ARHGAP19: variants seen among roughly 807,000 people sequenced by gnomAD.
ARHGAP19 encodes the protein Rho GTPase activating protein 19, also known as rho GTPase-activating protein 19.
In ARHGAP19, 48 loss-of-function variants were observed where a neutral mutation model predicts 60.9. The observed-to-expected ratio is 0.79, with a 90% CI of 0.62 to 1.00. The LOEUF (loss-of-function observed/expected upper bound fraction) is 1.00. Among genes scored for constraint, ARHGAP19 ranks in the 50% least tolerant of loss-of-function variants. ARHGAP19 has a pLI of 0.00. For synonymous variants in ARHGAP19, 209 were observed against 215.5 expected (o/e 0.97, Z 0.27); for missense variants, 562 against 597.2 (o/e 0.94, Z 0.61).
At chr10:97,240,677 A>G (rs567668063) in intron 8 of ARHGAP19, among the ~76,000 whole-genome samples, 9 of 152,370 alleles carry the variant, frequency 5.9e-5, no homozygotes, top group Non-Finnish European at 1.3e-4. Flanking sequence ...GTAAACATTT[A>G]AAATGTTCGT....
At chr10:97,269,853 C>G (rs753735834) in intron 1 of ARHGAP19, among the ~76,000 whole-genome samples, 2 of 152,210 alleles carry the variant, frequency 1.3e-5, no homozygotes, top group Non-Finnish European at 2.9e-5. Flanking sequence ...CTAAAACTTA[C>G]ACTTTTATTA....
Position 97,229,869 on chromosome 10 carries a change from C to T in ARHGAP19, c.1290G>A (p.Lys430=), listed in dbSNP as rs775582529. 10 of 1,602,138 alleles carry T rather than the reference C, an allele frequency of 6.2e-6. No individual in the cohort carries two copies. Among genetic ancestry groups the T allele is most frequent in the Non-Finnish European group, 8.5e-6 (10 of 1,172,192 alleles). The change falls in exon 10 of 12, where the codon AAG becomes AAA. Residue 430 remains lysine, a synonymous_variant. Transcript: ENST00000358531. ...SRSFSGLIKR[K]VLGNQMMSEK... is the part of the protein sequence containing the mutation. ...CTGACATCATCTGATTTCCCAGGAC[C>T]TTCCGCTGATTTAAGAACAGAAAAC... is the stretch of plus-strand genomic sequence containing the variant.
chr10:97,269,710 G>A (rs1037208389), intron 1 of ARHGAP19, among the ~76,000 whole-genome samples: 1 of 152,128 alleles, frequency 6.6e-6, no homozygotes, highest in African/African-American at 2.4e-5. Flanking sequence ...AATTTATTGA[G>A]TCTAAACTAA....
At position 97,229,146 on chromosome 10, in the gene ARHGAP19, C is replaced by G; in HGVS notation, c.1474+1G>C. Reference sequence around the variant, plus strand: ...GAACAGAGAGTAAGTACAATTAGTACCTTTTTTCCCCTCTTTCTTCCCTTC... The same window carrying G: ...GAACAGAGAGTAAGTACAATTAGTAGCTTTTTTCCCCTCTTTCTTCCCTTC... On this transcript the variant is annotated splice_donor_variant, in intron 11 of 11. Coordinates refer to ENST00000358531, the MANE Select transcript of ARHGAP19 (RefSeq NM_032900.6). LOFTEE classifies it high-confidence loss of function. 1.2e-6 allele frequency: 2 copies of G among 1,612,498 alleles called. No homozygotes were observed. Among genetic ancestry groups the G allele is most frequent in the Non-Finnish European group, 1.7e-6 (2 of 1,178,510 alleles).
intron 1 of ARHGAP19, among the ~76,000 whole-genome samples, chr10:97,290,803 T>A (rs1843220911): frequency 6.6e-6 from 1 of 152,130 alleles, no homozygotes; most frequent in Non-Finnish European, 1.5e-5. Flanking sequence ...CCGATGTTAA[T>A]GACATCGAAG....
At chr10:97,250,299 T>A (rs1021866440) in intron 6 of ARHGAP19, among the ~76,000 whole-genome samples, 10 of 152,194 alleles carry the variant, frequency 6.6e-5, no homozygotes, top group Non-Finnish European at 1.3e-4. Flanking sequence ...TTTACTCTTT[T>A]AACTTTTCTC....
intron 1 of ARHGAP19, among the ~76,000 whole-genome samples, chr10:97,291,424 G>A (rs903965135): frequency 6.6e-6 from 1 of 152,282 alleles, no homozygotes; most frequent in South Asian, 2.1e-4. Flanking sequence ...CTCCTGAGTA[G>A]CTGGGACTAC....
At chr10:97,283,721 ATGG>A (rs1843117462) in intron 1 of ARHGAP19, among the ~76,000 whole-genome samples, 1 of 151,488 alleles carries the variant, frequency 6.6e-6, no homozygotes, top group Non-Finnish European at 1.5e-5. Context: ...GGAACCAGAC[ATGG>A]TGGCTCACAC....
rs144241016 is a variant in ARHGAP19 at position 97,268,874 on chromosome 10, T to C, written c.57-2749A>G. Among the ~76,000 whole-genome samples the C allele has an allele frequency of 1.3e-3, 203 of 152,340 alleles. 1 individual carries two copies. The highest frequency in any genetic ancestry group is 4.4e-3 in the African/African-American group (185 of 41,576). Reference sequence around the variant, plus strand: ...GTTGTTATATTTAAGAACTGTATAATTGAAACTCTTAGAGCAGACACATAG... The same window carrying C: ...GTTGTTATATTTAAGAACTGTATAACTGAAACTCTTAGAGCAGACACATAG... On this transcript the variant is annotated intron_variant, in intron 1 of 11. Transcript: ENST00000358531.
intron 1 of ARHGAP19, among the ~76,000 whole-genome samples, chr10:97,271,393 C>A (rs1842958007): frequency 6.6e-6 from 1 of 150,830 alleles, no homozygotes. Context: ...CAAGACAAGC[C>A]ACAGACTGAA....
intron 1 of ARHGAP19, among the ~76,000 whole-genome samples, chr10:97,266,909 G>T (rs533271891): frequency 2.2e-4 from 33 of 152,162 alleles, no homozygotes; most frequent in African/African-American, 7.9e-4. Context: ...TGAGATTTGG[G>T]TGGGGACACA....
intron 9 of ARHGAP19, among the ~76,000 whole-genome samples, chr10:97,231,873 C>T (rs1851024424): frequency 6.6e-6 from 1 of 152,060 alleles, no homozygotes; most frequent in Admixed American, 6.6e-5. Flanking sequence ...TTTTTAGGAA[C>T]TGCCATACTG....
At chr10:97,234,310 C>A (rs1476582520) in intron 9 of ARHGAP19, among the ~76,000 whole-genome samples, 2 of 151,052 alleles carry the variant, frequency 1.3e-5, no homozygotes, top group East Asian at 3.9e-4. Context: ...GCATGCTGGG[C>A]TTCATACCTA....
rs112781535 is a variant in ARHGAP19, at chr10:97,245,353, T to C, written c.993+919A>G. Among the ~76,000 whole-genome samples, 420 of 152,184 alleles carry C rather than the reference T, an allele frequency of 2.8e-3. 2 individuals are homozygous for C. The highest frequency in any genetic ancestry group is 8.9e-3 in the African/African-American group (370 of 41,550). ...TCAATACTCATATCTAGGCTGGATG[T>C]GGTGGATCACGCCTGTAATCCCAGC... On this transcript the variant is annotated intron_variant, in intron 7 of 11. Coordinates refer to ENST00000358531, the MANE Select transcript of ARHGAP19 (RefSeq NM_032900.6).
chr10:97,234,784 T>G (rs545827868), intron 9 of ARHGAP19, among the ~76,000 whole-genome samples: 4 of 152,330 alleles, frequency 2.6e-5, no homozygotes, highest in African/African-American at 7.2e-5. Context: ...CACAAAAATT[T>G]GGGGTATCAA....
chr10:97,257,943 G>C (rs889150207), intron 5 of ARHGAP19, among the ~76,000 whole-genome samples: 1 of 152,070 alleles, frequency 6.6e-6, no homozygotes, highest in East Asian at 1.9e-4. Context: ...CCTCACTTAA[G>C]GCATCAATAG....
At chr10:97,256,661 A>G in intron 5 of ARHGAP19, 2 of 358,232 alleles carry the variant, frequency 5.6e-6, no homozygotes, top group Non-Finnish European at 5.0e-6. Flanking sequence ...AGACATGTAA[A>G]CAAAATTGGC....
At chr10:97,227,035 G>T (rs1270709496) in intron 11 of ARHGAP19, among the ~76,000 whole-genome samples, 3 of 152,184 alleles carry the variant, frequency 2.0e-5, no homozygotes, top group Non-Finnish European at 4.4e-5. Flanking sequence ...TGGGGTAAAG[G>T]CCAGGAAGGC....
At chr10:97,240,006 C>G (rs1173887134) in intron 8 of ARHGAP19, among the ~76,000 whole-genome samples, 1 of 151,942 alleles carries the variant, frequency 6.6e-6, no homozygotes. Context: ...CCTGCTCGGC[C>G]CTGTACTAAT....
Sources: allele counts gnomAD v4.1 joint callset (sites outside exome capture counted in the v4.1 genomes callset), GRCh38; gene constraint gnomAD v4.1.1; transcripts MANE v1.5; gene names NCBI Gene and HGNC (gene_info 2026-07-23, HGNC 2026-07-21).